Variants in CCDC30 observed in about 807,000 individuals in gnomAD.
CCDC30 encodes coiled-coil domain containing 30.
CCDC30 carries 70 observed loss-of-function variants against 100.2 expected under a neutral mutation model. The ratio of observed to expected loss-of-function variants is 0.70; its 90% CI spans 0.58 to 0.85. The LOEUF (loss-of-function observed/expected upper bound fraction) is 0.85. CCDC30 is among the 40% of genes least tolerant of loss of function. The pLI, the probability that CCDC30 is intolerant of heterozygous loss-of-function variation, is 0.00. For synonymous variants in CCDC30, 233 were observed against 269.5 expected (o/e 0.86, Z 1.33); for missense variants, 652 against 771.2 (o/e 0.85, Z 1.83).
At chr1:42,581,719 G>T (rs1246786235) in intron 9 of CCDC30, among the ~76,000 whole-genome samples, 1 of 152,180 alleles carries the variant, frequency 6.6e-6, no homozygotes, top group Non-Finnish European at 1.5e-5. Context: ...TGGCGCTAGA[G>T]TGTGAGATTT....
At position 42,546,155 on chromosome 1, in the gene CCDC30, G is replaced by A. The variant is rs150160774; in HGVS notation, c.457-20141G>A. Among the ~76,000 whole-genome samples, 368 of 151,124 alleles carry A rather than the reference G, an allele frequency of 2.4e-3. 4 individuals are homozygous for A. The Middle Eastern group carries it at 0.038, about 16-fold the overall frequency. On this transcript the variant is annotated intron_variant, in intron 6 of 16. Coordinates refer to ENST00000668663, the Ensembl canonical transcript of CCDC30. Reference sequence around the variant, plus strand: ...AATCCCAGCACTTTGGGAGGCCAAGGCGGGCGGATCACCTGAGGCCAAGAG... The same window carrying A: ...AATCCCAGCACTTTGGGAGGCCAAGACGGGCGGATCACCTGAGGCCAAGAG...
chr1:42,508,479 C>A (rs1267429295), intron 6 of CCDC30, among the ~76,000 whole-genome samples: 3 of 152,166 alleles, frequency 2.0e-5, no homozygotes, highest in Non-Finnish European at 4.4e-5. Flanking sequence ...TATTAGCCAT[C>A]CCTTAAGGTA....
intron 12 of CCDC30, among the ~76,000 whole-genome samples, chr1:42,638,709 A>G (rs1647211999): frequency 6.6e-6 from 1 of 152,058 alleles, no homozygotes; most frequent in African/African-American, 2.4e-5. Context: ...TCCCATCTCT[A>G]CTGAAAATAC....
At chr1:42,489,585 A>G (rs577038156) in intron 3 of CCDC30, among the ~76,000 whole-genome samples, 1 of 152,304 alleles carries the variant, frequency 6.6e-6, no homozygotes, top group South Asian at 2.1e-4. Context: ...GCGATCCACT[A>G]GCAATATCGC....
In CCDC30 at chr1:42,604,679, A is replaced by G. The variant is rs183188515; in HGVS notation, c.1165-6299A>G. 5.3e-5 allele frequency among the ~76,000 whole-genome samples: 8 copies of G among 152,346 alleles called. No homozygotes were observed. In the East Asian group the frequency reaches 7.7e-4, roughly 15 times the overall value. ...CTGTACTGCTGTTCGCCAAAAGTCTATATAATTCCCTTTCTCCAATGCCCA... is the reference window on the plus strand; with the variant it reads ...CTGTACTGCTGTTCGCCAAAAGTCTGTATAATTCCCTTTCTCCAATGCCCA... On this transcript the variant is annotated intron_variant, in intron 10 of 16. Coordinates refer to ENST00000668663, the Ensembl canonical transcript of CCDC30.
At chr1:42,632,104 C>CAA (rs1647049054) in intron 11 of CCDC30, among the ~76,000 whole-genome samples, 1 of 152,188 alleles carries the variant, frequency 6.6e-6, no homozygotes, top group Non-Finnish European at 1.5e-5. Flanking sequence ...CAGCAAGTCT[C>CAA]AGAGTCTCAC....
chr1:42,468,633 G>A (rs771341682), intron 1 of CCDC30: 2 of 152,192 alleles, frequency 1.3e-5, no homozygotes, highest in Non-Finnish European at 2.9e-5. Context: ...ACTTCAATGT[G>A]TTTCTGTTTC....
At chr1:42,456,469 C>T in the CCDC30 span, 12 of 1,301,314 alleles carry the variant, frequency 9.2e-6, no homozygotes, top group African/African-American at 3.0e-5. Context: ...TAGTGAACCG[C>T]CCACTCAGTA....
intron 10 of CCDC30, among the ~76,000 whole-genome samples, chr1:42,598,616 TAATA>T (rs1646339750): frequency 6.6e-6 from 1 of 152,240 alleles, no homozygotes; most frequent in Admixed American, 6.5e-5. Context: ...TAGAAAACCA[TAATA>T]AATATGGTAG....
intron 6 of CCDC30, among the ~76,000 whole-genome samples, chr1:42,533,278 T>C (rs1300018315): frequency 6.6e-6 from 1 of 151,900 alleles, no homozygotes; most frequent in Non-Finnish European, 1.5e-5. Context: ...GAGCTGGTGT[T>C]GATAACGTCA....
chr1:42,469,527 G>C (rs1296584453), intron 1 of CCDC30, among the ~76,000 whole-genome samples: 1 of 152,164 alleles, frequency 6.6e-6, no homozygotes, highest in Non-Finnish European at 1.5e-5. Context: ...GTTATTTCTT[G>C]TATCTTTAAG....
At chr1:42,551,953 C>T (rs913334741) in intron 6 of CCDC30, among the ~76,000 whole-genome samples, 8 of 151,740 alleles carry the variant, frequency 5.3e-5, no homozygotes, top group East Asian at 1.9e-4. Flanking sequence ...TTTGTAGAGA[C>T]GGAGGTTTCC....
intron 1 of CCDC30, among the ~76,000 whole-genome samples, chr1:42,465,598 C>A (rs986683176): frequency 2.0e-5 from 3 of 152,144 alleles, no homozygotes; most frequent in Non-Finnish European, 4.4e-5. Context: ...CTCCTGACCC[C>A]AGGTGATCCG....
At chr1:42,604,642 G>A (rs1371527564) in intron 10 of CCDC30, among the ~76,000 whole-genome samples, 1 of 152,182 alleles carries the variant, frequency 6.6e-6, no homozygotes, top group Non-Finnish European at 1.5e-5. Flanking sequence ...TATTAGTGTT[G>A]ACTCAGAATC....
chr1:42,625,367 C>T (rs1646913675), intron 11 of CCDC30, among the ~76,000 whole-genome samples: 1 of 151,972 alleles, frequency 6.6e-6, no homozygotes, highest in Non-Finnish European at 1.5e-5. Context: ...ATTTCGATTT[C>T]ATTTATCTCT....
chr1:42,500,384 G>C, intron 6 of CCDC30: 1 of 1,313,972 alleles, frequency 7.6e-7, no homozygotes, highest in Non-Finnish European at 1.1e-6. Context: ...AACGAGCGAA[G>C]TCTGGTCTGC....
intron 11 of CCDC30, among the ~76,000 whole-genome samples, chr1:42,620,219 A>G (rs1646804611): frequency 6.6e-6 from 1 of 152,188 alleles, no homozygotes; most frequent in South Asian, 2.1e-4. Flanking sequence ...GAAGGAAACA[A>G]CAGATGCTGA....
intron 16 of CCDC30, 122 bp from the exon 21 acceptor site, chr1:42,653,696 T>G: frequency 2.8e-6 from 2 of 703,722 alleles, no homozygotes; most frequent in East Asian, 5.3e-5. Flanking sequence ...AGGTAAATTT[T>G]ATTTGGCTTT....
intron 10 of CCDC30, chr1:42,593,045 CT>C (rs1318288891): frequency 6.6e-6 from 1 of 152,196 alleles, no homozygotes; most frequent in Non-Finnish European, 1.5e-5. Context: ...TTCTCCAATT[CT>C]TTGTGGACAC....
Sources: allele counts gnomAD v4.1 joint callset (sites outside exome capture counted in the v4.1 genomes callset), GRCh38; gene constraint gnomAD v4.1.1; transcripts MANE v1.5; gene names NCBI Gene and HGNC (gene_info 2026-07-23, HGNC 2026-07-21).